MDGA2: variants seen among roughly 807,000 people sequenced by gnomAD.
The protein encoded by MDGA2 is MAM domain-containing glycosylphosphatidylinositol anchor protein 2.
MDGA2 carries 40 observed loss-of-function variants against 117.8 expected under a neutral mutation model. That is an observed-to-expected ratio of 0.34 (90% confidence interval 0.26 to 0.44). The LOEUF (loss-of-function observed/expected upper bound fraction) is 0.44, where lower values mean the gene tolerates loss of function less well. Among genes scored for constraint, MDGA2 ranks in the 20% least tolerant of loss-of-function variants. The probability of loss-of-function intolerance (pLI) is 1.00; values close to 1 mark genes in which losing one functional copy is unlikely to be tolerated. For missense variants in MDGA2, 1,123 were observed against 1,250.6 expected, an observed-to-expected ratio of 0.90 and a Z score of 1.54; for synonymous variants, 452 against 439.0, an observed-to-expected ratio of 1.03 and a Z score of -0.37.
chr14:47,224,151 T>TA (rs1334629732), intron 2 of MDGA2, among the ~76,000 whole-genome samples: 2 of 152,106 alleles, frequency 1.3e-5, no homozygotes, highest in African/African-American at 4.8e-5. Flanking sequence ...CTCATTTCTG[T>TA]AAAAATAACA....
chr14:47,310,825 C>T (rs914106132), intron 1 of MDGA2, among the ~76,000 whole-genome samples: 1 of 152,072 alleles, frequency 6.6e-6, no homozygotes, highest in African/African-American at 2.4e-5. Flanking sequence ...TATGGTACCA[C>T]TTTTTATAGG....
chr14:47,238,434 G>C (rs1000058176), intron 2 of MDGA2, among the ~76,000 whole-genome samples: 5 of 145,644 alleles, frequency 3.4e-5, no homozygotes, highest in African/African-American at 9.8e-5. Flanking sequence ...GAATATTCTG[G>C]GTAAGCATTG....
At chr14:47,649,137 A>C (rs1897590619) in intron 1 of MDGA2, among the ~76,000 whole-genome samples, 1 of 152,204 alleles carries the variant, frequency 6.6e-6, no homozygotes, top group Non-Finnish European at 1.5e-5. Flanking sequence ...ATAGTGATTA[A>C]GAGTAACTTT....
intron 2 of MDGA2, among the ~76,000 whole-genome samples, chr14:47,280,067 A>C (rs1888426682): frequency 6.6e-6 from 1 of 151,570 alleles, no homozygotes; most frequent in African/African-American, 2.4e-5. Flanking sequence ...CCATCTGAGC[A>C]CTTCTGGGAG....
chr14:47,371,229 A>T (rs1231676945), intron 1 of MDGA2, among the ~76,000 whole-genome samples: 7 of 151,862 alleles, frequency 4.6e-5, no homozygotes. Context: ...AGCAACAATT[A>T]TGATATTTTT....
chr14:47,093,072 G>T (rs1879760256), intron 6 of MDGA2, among the ~76,000 whole-genome samples: 2 of 151,990 alleles, frequency 1.3e-5, no homozygotes, highest in Admixed American at 1.3e-4. Flanking sequence ...CTATCTATCA[G>T]GCTGGGGTTG....
At chr14:47,302,014 C>A (rs906172128) in intron 1 of MDGA2, among the ~76,000 whole-genome samples, 8 of 152,072 alleles carry the variant, frequency 5.3e-5, no homozygotes, top group Non-Finnish European at 8.8e-5. Context: ...AATAAGCTCA[C>A]GAATAAGATG....
At chr14:47,383,976 A>AGATT (rs1566763387) in intron 1 of MDGA2, among the ~76,000 whole-genome samples, 1 of 124,328 alleles carries the variant, frequency 8.0e-6, no homozygotes, top group African/African-American at 3.3e-5. Context: ...AGAGTTAAAT[A>AGATT]GATAGATGAT....
intron 6 of MDGA2, among the ~76,000 whole-genome samples, chr14:47,081,789 T>G (rs2138893767): frequency 6.6e-6 from 1 of 152,272 alleles, no homozygotes; most frequent in Admixed American, 6.5e-5. Context: ...AATTGTGAAT[T>G]TATTGCTCAA....
chr14:47,114,310 G>T (rs1212649603), intron 5 of MDGA2, among the ~76,000 whole-genome samples: 1 of 152,122 alleles, frequency 6.6e-6, no homozygotes, highest in Non-Finnish European at 1.5e-5. Flanking sequence ...CATGTTCATG[G>T]ATATGAAGAA....
chr14:47,426,985 A>C (rs1480991232), intron 1 of MDGA2, among the ~76,000 whole-genome samples: 1 of 152,174 alleles, frequency 6.6e-6, no homozygotes, highest in African/African-American at 2.4e-5. Context: ...AAGTAATAAT[A>C]GTTAGCAAGG....
chr14:47,240,048 T>A (rs2139601706), intron 2 of MDGA2, among the ~76,000 whole-genome samples: 1 of 151,732 alleles, frequency 6.6e-6, no homozygotes, highest in South Asian at 2.1e-4. Context: ...TAGAAACAGT[T>A]TTTGCTGTTT....
chr14:46,883,907 T>C (rs960350165), intron 10 of MDGA2, among the ~76,000 whole-genome samples: 2 of 152,114 alleles, frequency 1.3e-5, no homozygotes, highest in Non-Finnish European at 1.5e-5. Flanking sequence ...TCTAAACATA[T>C]AGTATGCATC....
At chr14:46,858,926 G>T (rs1881394560) in intron 14 of MDGA2, among the ~76,000 whole-genome samples, 1 of 152,104 alleles carries the variant, frequency 6.6e-6, no homozygotes, top group East Asian at 1.9e-4. Flanking sequence ...TTTCTCAGAA[G>T]GCTATTGGCT....
At chr14:47,245,634 A>G (rs1226014105) in intron 2 of MDGA2, among the ~76,000 whole-genome samples, 1 of 151,834 alleles carries the variant, frequency 6.6e-6, no homozygotes, top group Non-Finnish European at 1.5e-5. Flanking sequence ...AAATTGTTCA[A>G]GACATACTTT....
At chr14:47,068,378 T>A (rs1257860400) in intron 6 of MDGA2, among the ~76,000 whole-genome samples, 1 of 137,642 alleles carries the variant, frequency 7.3e-6, no homozygotes, top group Non-Finnish European at 1.5e-5. Context: ...TATTTTGCCA[T>A]TCCTACCATT....
At chr14:47,256,238 T>C (rs1245176414) in intron 2 of MDGA2, among the ~76,000 whole-genome samples, 1 of 152,032 alleles carries the variant, frequency 6.6e-6, no homozygotes. Flanking sequence ...TGTGGGAGAC[T>C]ACTGAATTTT....
intron 1 of MDGA2, among the ~76,000 whole-genome samples, chr14:47,402,847 C>G (rs954819773): frequency 6.6e-6 from 1 of 151,876 alleles, no homozygotes; most frequent in Middle Eastern, 3.2e-3. Context: ...TTTCAAAATC[C>G]TTCTCTTCTG....
chr14:47,639,745 A>G (rs1337185650), intron 1 of MDGA2, among the ~76,000 whole-genome samples: 2 of 152,096 alleles, frequency 1.3e-5, no homozygotes, highest in Non-Finnish European at 2.9e-5. Flanking sequence ...TCTCTCATTC[A>G]AGGACCTCTC....
Sources: gnomAD v4.1 joint callset for allele counts (sites outside exome capture counted in the v4.1 genomes callset) on GRCh38, gnomAD v4.1.1 for gene constraint, MANE v1.5 for transcripts, NCBI Gene and HGNC (gene_info 2026-07-23, HGNC 2026-07-21) for gene names.